The following TKT variants were observed in gnomAD, a reference collection of about 807,000 sequenced individuals.
The protein encoded by TKT is epididymis luminal protein 107.
In TKT, 47 loss-of-function variants were observed where a neutral mutation model predicts 63.9. The observed-to-expected ratio is 0.74, with a 90% CI of 0.58 to 0.94. The LOEUF (loss-of-function observed/expected upper bound fraction) is 0.94. Ranked by LOEUF, TKT falls within the 40% of genes least tolerant of loss-of-function variation. TKT has a pLI of 0.00. For synonymous variants in TKT, 338 were observed against 334.1 expected (o/e 1.01, Z -0.13); for missense variants, 721 against 846.2 (o/e 0.85, Z 1.84).
At position 53,225,719 on chromosome 3, in the gene TKT, G is replaced by T. The variant is rs1704465564; in HGVS notation, c.*37C>A. 5 of 1,538,996 alleles carry T rather than the reference G, an allele frequency of 3.2e-6. No homozygotes were observed. Among genetic ancestry groups the T allele is most frequent in the Admixed American group, 1.9e-5 (1 of 53,216 alleles). On this transcript the variant is annotated 3_prime_UTR_variant, in exon 14 of 14. Transcript: ENST00000462138. ...TTGAGCACCTTTCCCAGAATCTCAG[G>T]AATGTATAGACCCCCGCCCCACACT...
At chr3:53,243,414 G>A (rs1196253868) in intron 1 of TKT, among the ~76,000 whole-genome samples, 3 of 152,112 alleles carry the variant, frequency 2.0e-5, no homozygotes, top group Non-Finnish European at 4.4e-5. Context: ...AAGGGCACAT[G>A]CACCATCTGG....
chr3:53,243,504 T>G, intron 1 of TKT: 1 of 451,648 alleles, frequency 2.2e-6, no homozygotes, highest in South Asian at 1.6e-5. Context: ...TGCAGACAAG[T>G]TAGTAGTAGA....
intron 1 of TKT, among the ~76,000 whole-genome samples, chr3:53,250,800 A>G (rs1041817046): frequency 2.6e-5 from 4 of 152,068 alleles, no homozygotes; most frequent in Non-Finnish European, 4.4e-5. Flanking sequence ...TTGTTTTTTT[A>G]AGAGCCAGGG....
chr3:53,226,000 T>C (rs1378273003), intron 13 of TKT, 69 bp from the exon 14 acceptor site: 59 of 1,480,412 alleles, frequency 4.0e-5, no homozygotes, highest in Non-Finnish European at 5.4e-5. Flanking sequence ...CAGCCCTCTG[T>C]CAGCCTTAGT....
intron 1 of TKT, among the ~76,000 whole-genome samples, chr3:53,254,213 C>A (rs890109123): frequency 6.6e-6 from 1 of 152,218 alleles, no homozygotes; most frequent in Admixed American, 6.5e-5. Context: ...CCTCAGACCC[C>A]CTGAAACGGC....
intron 1 of TKT, among the ~76,000 whole-genome samples, chr3:53,254,248 C>T (rs1441795091): frequency 6.6e-6 from 1 of 152,156 alleles, no homozygotes; most frequent in East Asian, 1.9e-4. Flanking sequence ...CCAACAGTAC[C>T]AAATAAGCAA....
chr3:53,228,398 G>C (rs1480641637), intron 10 of TKT, 39 bp from the exon 11 acceptor site: 1 of 1,606,436 alleles, frequency 6.2e-7, no homozygotes, highest in African/African-American at 1.3e-5. Flanking sequence ...ACAGGATGTG[G>C]CACACCCAAC....
In TKT at chr3:53,225,621, T is replaced by C. The variant is rs2106650290; in HGVS notation, c.*135A>G. On this transcript the variant is annotated 3_prime_UTR_variant, in exon 14 of 14. Transcript: ENST00000462138. ...AGAACCTGCACTGGCTGCAAACACATCAAAAAAGAAAACATTTCAGGGCCA... is the reference window on the plus strand; with the variant it reads ...AGAACCTGCACTGGCTGCAAACACACCAAAAAAGAAAACATTTCAGGGCCA... 1.8e-6 allele frequency: 2 copies of C among 1,121,636 alleles called. No individual in the cohort carries two copies. The highest frequency in any genetic ancestry group is 2.5e-6 in the Non-Finnish European group (2 of 809,904). The allele number at this position is 1,121,636 out of a possible 1,614,324, so 69.5% of individuals were successfully genotyped here.
intron 1 of TKT, among the ~76,000 whole-genome samples, chr3:53,252,592 T>C (rs1415608465): frequency 6.6e-6 from 1 of 152,178 alleles, no homozygotes; most frequent in East Asian, 1.9e-4. Flanking sequence ...AATGTAAACA[T>C]GGTGTAACTC....
intron 1 of TKT, among the ~76,000 whole-genome samples, chr3:53,254,335 G>T (rs1304143413): frequency 6.6e-6 from 1 of 152,190 alleles, no homozygotes; most frequent in Non-Finnish European, 1.5e-5. Flanking sequence ...TGCCCAGGCA[G>T]GGGATACCCC....
Position 53,225,631 on chromosome 3 carries a change from A to G in TKT, c.*125T>C. ...CTGGCTGCAAACACATCAAAAAAGA[A>G]AACATTTCAGGGCCAATTCATTTTT... On this transcript the variant is annotated 3_prime_UTR_variant, in exon 14 of 14. Transcript: ENST00000462138. The G allele has an allele frequency of 1.7e-6, 2 of 1,200,628 alleles. No homozygotes were observed. Among genetic ancestry groups the G allele is most frequent in the South Asian group, 1.7e-5 (1 of 57,712 alleles). The allele number at this position is 1,200,628 out of a possible 1,614,324, so 74.4% of individuals were successfully genotyped here. A position where few individuals can be genotyped will look rare whatever the true frequency, so the allele number is the denominator to read the frequency against.
rs1553682244 is a variant in TKT at position 53,255,975 on chromosome 3, G to T, written c.-33C>A. 8 of 1,442,690 alleles carry T rather than the reference G, an allele frequency of 5.5e-6. No individual in the cohort carries two copies. The highest frequency in any genetic ancestry group is 7.4e-6 in the Non-Finnish European group (8 of 1,075,034). The allele number at this position is 1,442,690 out of a possible 1,614,324, so 89.4% of individuals were successfully genotyped here. A position where few individuals can be genotyped will look rare whatever the true frequency, so the allele number is the denominator to read the frequency against. ...CAGGCGGGGACCGGGCGCACACGCG[G>T]ACACACAGAGATAGCGGCTGCTCCC... On this transcript the variant is annotated 5_prime_UTR_variant, in exon 1 of 14. Transcript: ENST00000462138.
chr3:53,228,886 C>T, intron 10 of TKT, 121 bp downstream of exon 10: 1 of 1,405,038 alleles, frequency 7.1e-7, no homozygotes, highest in Non-Finnish European at 9.7e-7. Flanking sequence ...GCTACACGAA[C>T]ACCAGGGGCA....
chr3:53,225,734 C>T lies in TKT; in HGVS notation c.*22G>A, dbSNP rs782512429. On this transcript the variant is annotated 3_prime_UTR_variant, in exon 14 of 14. Transcript: ENST00000462138. ...AGAATCTCAGGAATGTATAGACCCC[C>T]GCCCCACACTTCATACCCGCCCTAG... The T allele has an allele frequency of 1.9e-5, 31 of 1,590,338 alleles. No individual in the cohort carries two copies. Among genetic ancestry groups the T allele is most frequent in the Non-Finnish European group, 2.4e-5 (28 of 1,164,670 alleles).
intron 12 of TKT, chr3:53,227,107 C>G: frequency 1.9e-6 from 1 of 530,882 alleles, no homozygotes; most frequent in Non-Finnish European, 3.3e-6. Flanking sequence ...CCGCAGTATC[C>G]AAGAACCCAG....
intron 1 of TKT, among the ~76,000 whole-genome samples, chr3:53,246,851 C>CAAAA (rs11305678): frequency 7.5e-6 from 1 of 133,668 alleles, no homozygotes. Flanking sequence ...AACTCCGTCT[C>CAAAA]AAAAAAAAAA....
At chr3:53,241,785 C>T in intron 2 of TKT, 1 of 336,658 alleles carries the variant, frequency 3.0e-6, no homozygotes, top group Non-Finnish European at 5.8e-6. Flanking sequence ...TAGGGAGCCA[C>T]AACCCAGACC....
Position 53,233,186 on chromosome 3 carries a change from C to A in TKT, c.718G>T (p.Ala240Ser). 2 of 1,613,948 alleles carry A rather than the reference C, an allele frequency of 1.2e-6. No individual in the cohort carries two copies. The highest frequency in any genetic ancestry group is 1.3e-5 in the African/African-American group (1 of 75,064). ...ATCCCTCGGCCCTTGAAGGTCTTGG[C>A]AATGATGGCTGTTGGCTGGTGCTTG... is the stretch of plus-strand genomic sequence containing the variant. ...QAKHQPTAII[A>S]KTFKGRGITG... Residue 240 changes from alanine to serine, a missense_variant, in exon 6 of 14, where the codon GCC becomes TCC. Transcript: ENST00000462138.
At chr3:53,227,711 T>C in intron 12 of TKT, 1 of 242,020 alleles carries the variant, frequency 4.1e-6, no homozygotes, top group Non-Finnish European at 8.2e-6. Context: ...AAAACAGGCA[T>C]GGTGACAGTG....
Sources: allele counts gnomAD v4.1 joint callset (sites outside exome capture counted in the v4.1 genomes callset), GRCh38; gene constraint gnomAD v4.1.1; transcripts MANE v1.5; gene names NCBI Gene and HGNC (gene_info 2026-07-23, HGNC 2026-07-21).